Variants in PIK3R6 observed in about 807,000 individuals in gnomAD.
PIK3R6 encodes phosphoinositide-3-kinase regulatory subunit 6.
Under a neutral mutation model 84.9 loss-of-function variants are expected in PIK3R6, and 91 were observed. The ratio of observed to expected loss-of-function variants is 1.07; its 90% CI spans 0.90 to 1.28. The LOEUF is 1.28. Among genes scored for constraint, PIK3R6 ranks in the 50% most tolerant of loss-of-function variants. The probability of loss-of-function intolerance (pLI) is 0.00; values close to 1 mark genes in which losing one functional copy is unlikely to be tolerated. For missense variants in PIK3R6, 996 were observed against 985.1 expected (o/e 1.01, Z -0.15); for synonymous variants, 416 against 411.4 (o/e 1.01, Z -0.13).
intron 1 of PIK3R6, among the ~76,000 whole-genome samples, chr17:8,853,484 C>CAAAAAAAAAAAAAA (rs56939877): frequency 9.6e-6 from 1 of 104,456 alleles, no homozygotes. Context: ...GACTCCATCT[C>CAAAAAAAAAAAAAA]AAAAAAAAAA....
In PIK3R6 at chr17:8,825,306, C is replaced by T. The variant is rs144830640; in HGVS notation, c.1516-1809G>A. ...AATCCAATAGGATTAAAAATAATAACAAAAACAAAACTTGAAATTCTAAAG... is the reference window on the plus strand; with the variant it reads ...AATCCAATAGGATTAAAAATAATAATAAAAACAAAACTTGAAATTCTAAAG... On this transcript the variant is annotated intron_variant, in intron 13 of 19. Coordinates refer to ENST00000619866, the MANE Select transcript of PIK3R6 (RefSeq NM_001010855.4). 1.5e-3 allele frequency among the ~76,000 whole-genome samples: 228 copies of T among 152,178 alleles called. 1 individual carries two copies. Among genetic ancestry groups the T allele is most frequent in the African/African-American group, 5.3e-3 (221 of 41,518 alleles).
intron 2 of PIK3R6, among the ~76,000 whole-genome samples, chr17:8,848,533 G>A (rs145681431): frequency 4.0e-5 from 6 of 151,586 alleles, no homozygotes; most frequent in African/African-American, 1.5e-4. Context: ...AGTACTGTAG[G>A]CAGTTGTCAC....
intron 8 of PIK3R6, 58 bp from the exon 9 acceptor site, chr17:8,833,103 C>T: frequency 6.7e-7 from 1 of 1,485,212 alleles, no homozygotes; most frequent in Non-Finnish European, 8.9e-7. Flanking sequence ...CACCCCAGCT[C>T]CTAAGCCAAG....
intron 18 of PIK3R6, among the ~76,000 whole-genome samples, chr17:8,818,486 TA>T (rs1567572152): frequency 1.3e-5 from 2 of 152,082 alleles, no homozygotes; most frequent in African/African-American, 4.8e-5. Context: ...CTGTCTCTAC[TA>T]AAAATACAAA....
chr17:8,823,333 G>A, intron 14 of PIK3R6, 54 bp downstream of exon 14: 11 of 1,322,254 alleles, frequency 8.3e-6, no homozygotes, highest in Non-Finnish European at 1.2e-5. Flanking sequence ...CAGAGCCTGG[G>A]TATTTAATCG....
chr17:8,828,540 C>G, intron 11 of PIK3R6, 27 bp downstream of exon 11: 1 of 1,605,252 alleles, frequency 6.2e-7, no homozygotes, highest in Non-Finnish European at 8.5e-7. Flanking sequence ...CCAGCGCCCA[C>G]CCCCAGCCCC....
intron 2 of PIK3R6, among the ~76,000 whole-genome samples, chr17:8,848,163 C>G (rs1036712437): frequency 2.0e-5 from 3 of 152,152 alleles, no homozygotes; most frequent in Non-Finnish European, 2.9e-5. Flanking sequence ...GCAGGGCTAC[C>G]CTTCCCCTGC....
chr17:8,853,046 A>AG (rs1372371266), intron 1 of PIK3R6, among the ~76,000 whole-genome samples: 8 of 152,160 alleles, frequency 5.3e-5, no homozygotes, highest in African/African-American at 1.9e-4. Flanking sequence ...AGAAAAAAAA[A>AG]ATAAAGGCAC....
Position 8,829,800 on chromosome 17 carries a change from AAGG to A in PIK3R6, c.803-11_803-9del, listed in dbSNP as rs2088171355. On this transcript the variant is annotated splice_polypyrimidine_tract_variant and intron_variant, in intron 9 of 19. Coordinates refer to ENST00000619866, the MANE Select transcript of PIK3R6 (RefSeq NM_001010855.4). ...GCTCTTGGACAAGGTCACCTGCAGA[AAGG>A]AGCAGGCTGTGGAGGCCATGGAGGA... 1 of 1,549,462 alleles carries A rather than the reference AAGG, an allele frequency of 6.5e-7. No homozygotes were observed. The highest frequency in any genetic ancestry group is 8.7e-7 in the Non-Finnish European group (1 of 1,146,152).
chr17:8,819,409 T>C (rs765896865), intron 17 of PIK3R6, among the ~76,000 whole-genome samples: 3 of 152,068 alleles, frequency 2.0e-5, no homozygotes, highest in Non-Finnish European at 4.4e-5. Context: ...CACAAGTTTC[T>C]GTATCCTCAG....
intron 8 of PIK3R6, among the ~76,000 whole-genome samples, chr17:8,834,156 C>CA (rs71135927): frequency 0.072 from 3,292 of 45,934 alleles, 220 homozygotes; most frequent in East Asian, 0.39. Context: ...GACTTCGTCT[C>CA]AAAAAAAAAA....
intron 9 of PIK3R6, among the ~76,000 whole-genome samples, chr17:8,830,970 C>T (rs568637441): frequency 1.2e-4 from 18 of 151,756 alleles, no homozygotes; most frequent in African/African-American, 3.6e-4. Flanking sequence ...GGTGAAACCC[C>T]GTCTCTACTA....
intron 14 of PIK3R6, 32 bp downstream of exon 14, chr17:8,823,355 G>T (rs2087805044): frequency 9.4e-6 from 14 of 1,487,294 alleles, no homozygotes; most frequent in Non-Finnish European, 1.1e-5. Context: ...TGGGGTCCTG[G>T]GGTCCCTTGG....
chr17:8,838,095 T>G (rs1438814675), intron 4 of PIK3R6, among the ~76,000 whole-genome samples: 1 of 151,926 alleles, frequency 6.6e-6, no homozygotes, highest in Non-Finnish European at 1.5e-5. Flanking sequence ...CTCAGAGAAC[T>G]CTGCAGGTGA....
At chr17:8,836,453 C>G in intron 7 of PIK3R6, 94 bp downstream of exon 7, 1 of 1,370,422 alleles carries the variant, frequency 7.3e-7, no homozygotes, top group Non-Finnish European at 1.0e-6. Flanking sequence ...CTTCTTAATC[C>G]AGCCTCCTCT....
chr17:8,853,495 A>T (rs57406131), intron 1 of PIK3R6, among the ~76,000 whole-genome samples: 2 of 147,496 alleles, frequency 1.4e-5, no homozygotes, highest in African/African-American at 5.0e-5. Context: ...AAAAAAAAAA[A>T]AAAATAATAA....
intron 18 of PIK3R6, among the ~76,000 whole-genome samples, chr17:8,808,066 G>T (rs1014699360): frequency 6.6e-6 from 1 of 152,116 alleles, no homozygotes; most frequent in Non-Finnish European, 1.5e-5. Flanking sequence ...TTTGAGAAGT[G>T]TTCCATCGGG....
At chr17:8,833,122 G>A (rs2088320980) in intron 8 of PIK3R6, 77 bp from the exon 9 acceptor site, 2 of 1,455,596 alleles carry the variant, frequency 1.4e-6, no homozygotes, top group Non-Finnish European at 1.8e-6. Flanking sequence ...AGTCCGCAGG[G>A]CCCTGGCAGC....
At chr17:8,808,524 G>A (rs2087267449) in intron 18 of PIK3R6, among the ~76,000 whole-genome samples, 7 of 152,214 alleles carry the variant, frequency 4.6e-5, no homozygotes, top group Admixed American at 4.6e-4. Context: ...GGCAAGATCT[G>A]AATCCAGACA....
Sources: gnomAD v4.1 joint callset for allele counts (sites outside exome capture counted in the v4.1 genomes callset) on GRCh38, gnomAD v4.1.1 for gene constraint, MANE v1.5 for transcripts, NCBI Gene and HGNC (gene_info 2026-07-23, HGNC 2026-07-21) for gene names.